Variants in ARHGAP42 observed in about 807,000 individuals in gnomAD.
ARHGAP42 encodes the protein Rho GTPase activating protein 42.
ARHGAP42 carries 63 observed loss-of-function variants against 125.0 expected under a neutral mutation model. The ratio of observed to expected loss-of-function variants is 0.50; its 90% CI spans 0.41 to 0.62. The LOEUF (loss-of-function observed/expected upper bound fraction) is 0.62. ARHGAP42 is among the 20% of genes least tolerant of loss of function. The pLI is 0.00. For synonymous variants in ARHGAP42, 339 were observed against 351.0 expected (o/e 0.97, Z 0.38); for missense variants, 766 against 1,024.2 (o/e 0.75, Z 3.44).
chr11:100,930,171 G>A (rs1390133949), intron 6 of ARHGAP42, among the ~76,000 whole-genome samples: 3 of 151,990 alleles, frequency 2.0e-5, no homozygotes, highest in Non-Finnish European at 2.9e-5. Context: ...TTTACTTTAG[G>A]GTAAACTGAA....
chr11:100,762,219 C>T (rs1422516802), intron 1 of ARHGAP42, among the ~76,000 whole-genome samples: 2 of 152,182 alleles, frequency 1.3e-5, no homozygotes, highest in African/African-American at 2.4e-5. Flanking sequence ...AATGAGACTG[C>T]CTAAAGCTAG....
At chr11:100,870,329 C>G (rs1280304778) in intron 4 of ARHGAP42, among the ~76,000 whole-genome samples, 1 of 152,182 alleles carries the variant, frequency 6.6e-6, no homozygotes. Context: ...TCCCTGTGAA[C>G]TTTGTATCTT....
chr11:100,892,044 G>C (rs546153063), intron 4 of ARHGAP42, among the ~76,000 whole-genome samples: 2 of 152,290 alleles, frequency 1.3e-5, no homozygotes, highest in African/African-American at 4.8e-5. Flanking sequence ...CATAAAATAT[G>C]AAGTTCCAAG....
At chr11:100,757,530 A>G (rs1398190110) in intron 1 of ARHGAP42, among the ~76,000 whole-genome samples, 2 of 152,228 alleles carry the variant, frequency 1.3e-5, no homozygotes, top group African/African-American at 4.8e-5. Context: ...AAGTTAAATT[A>G]GAACAGAAAA....
intron 4 of ARHGAP42, among the ~76,000 whole-genome samples, chr11:100,875,107 C>CTCTCTCTG (rs1384655603): frequency 4.1e-4 from 34 of 82,348 alleles, no homozygotes; most frequent in African/African-American, 1.4e-3. Flanking sequence ...CTCTCTCTCT[C>CTCTCTCTG]TGTGTGTGTG....
chr11:100,907,630 A>G (rs891123041), intron 4 of ARHGAP42, among the ~76,000 whole-genome samples: 1 of 152,180 alleles, frequency 6.6e-6, no homozygotes, highest in Non-Finnish European at 1.5e-5. Flanking sequence ...GAGCTTCTGG[A>G]TGCCAAGATC....
At chr11:100,825,564 A>G (rs2897755) in intron 3 of ARHGAP42, among the ~76,000 whole-genome samples, 7,753 of 152,288 alleles carry the variant, frequency 0.051, 256 homozygotes, top group East Asian at 0.18. Context: ...GGATATTGGC[A>G]TCTGGCTTGT....
At chr11:100,952,709 G>T (rs1277411033) in intron 12 of ARHGAP42, among the ~76,000 whole-genome samples, 1 of 142,934 alleles carries the variant, frequency 7.0e-6, no homozygotes, top group African/African-American at 2.6e-5. Flanking sequence ...GGACATTGTG[G>T]TATTACTAAT....
intron 1 of ARHGAP42, among the ~76,000 whole-genome samples, chr11:100,719,323 C>G (rs920572796): frequency 1.3e-5 from 2 of 152,170 alleles, no homozygotes; most frequent in Non-Finnish European, 2.9e-5. Context: ...CAGATTAAGA[C>G]TGTAACAGGA....
chr11:100,954,437 T>C (rs1857749261), intron 12 of ARHGAP42, among the ~76,000 whole-genome samples: 1 of 152,188 alleles, frequency 6.6e-6, no homozygotes, highest in Non-Finnish European at 1.5e-5. Flanking sequence ...CAGAAGATAG[T>C]CTTGAAATTT....
intron 5 of ARHGAP42, among the ~76,000 whole-genome samples, chr11:100,920,348 A>G (rs1257298415): frequency 6.6e-6 from 1 of 152,184 alleles, no homozygotes; most frequent in Non-Finnish European, 1.5e-5. Flanking sequence ...AGTTGAAAGT[A>G]CATGTATAAT....
At chr11:100,925,390 T>G (rs1275248776) in intron 6 of ARHGAP42, among the ~76,000 whole-genome samples, 1 of 152,082 alleles carries the variant, frequency 6.6e-6, no homozygotes, top group East Asian at 1.9e-4. Flanking sequence ...TTTGGATATA[T>G]TGTATTAAAA....
chr11:100,976,254 G>C lies in ARHGAP42; in HGVS notation c.2053G>C (p.Glu685Gln). The change falls in exon 20 of 24, where the codon GAA becomes CAA. Residue 685 changes from glutamate (E) to glutamine (Q), a missense_variant. Around this residue, in one of 3 missense-constraint regions of ARHGAP42, gnomAD observed 308 missense variants for 369.7 expected, o/e 0.83. Transcript: ENST00000298815. ...KSLGLWTTSP[E>Q]SSSREDATKT... is the part of the protein sequence containing the mutation. ...CCTTGGTCTGTGGACAACTAGTCCT[G>C]AATCAAGTTCCAGAGAAGATGCAAC... The C allele has an allele frequency of 1.3e-6, 2 of 1,551,626 alleles. No homozygotes were observed. Among genetic ancestry groups the C allele is most frequent in the South Asian group, 2.4e-5 (2 of 84,034 alleles).
intron 2 of ARHGAP42, among the ~76,000 whole-genome samples, chr11:100,776,537 A>G (rs1863128413): frequency 6.6e-6 from 1 of 152,244 alleles, no homozygotes; most frequent in South Asian, 2.1e-4. Flanking sequence ...GAGTGGAGAA[A>G]TGAGTCAGTC....
chr11:100,771,950 T>C (rs756357499), intron 2 of ARHGAP42, among the ~76,000 whole-genome samples: 1 of 152,142 alleles, frequency 6.6e-6, no homozygotes, highest in African/African-American at 2.4e-5. Context: ...ACATTTCTAA[T>C]AGATTTGAAA....
intron 7 of ARHGAP42, 59 bp from the exon 8 acceptor site, chr11:100,936,144 G>A: frequency 6.5e-7 from 1 of 1,534,830 alleles, no homozygotes; most frequent in Non-Finnish European, 8.8e-7. Flanking sequence ...TATTAGTCTG[G>A]ATGTTGCTGA....
intron 3 of ARHGAP42, among the ~76,000 whole-genome samples, chr11:100,858,731 A>G (rs755543434): frequency 2.6e-5 from 4 of 152,252 alleles, no homozygotes; most frequent in South Asian, 2.1e-4. Flanking sequence ...TATTCATGTA[A>G]TAGATTATGT....
chr11:100,885,951 C>G (rs1156673046), intron 4 of ARHGAP42, among the ~76,000 whole-genome samples: 1 of 152,128 alleles, frequency 6.6e-6, no homozygotes, highest in Non-Finnish European at 1.5e-5. Flanking sequence ...TGCATTGTGT[C>G]CTAAGCAATT....
At chr11:100,715,290 T>A (rs1418873538) in intron 1 of ARHGAP42, among the ~76,000 whole-genome samples, 1 of 152,086 alleles carries the variant, frequency 6.6e-6, no homozygotes, top group Non-Finnish European at 1.5e-5. Context: ...TTAGGAACTA[T>A]CCAGAACAGC....
Sources: gnomAD v4.1 joint callset for allele counts (sites outside exome capture counted in the v4.1 genomes callset) on GRCh38, gnomAD v4.1.1 for gene constraint, gnomAD v4.1.1 regional missense constraint, MANE v1.5 for transcripts, NCBI Gene and HGNC (gene_info 2026-07-23, HGNC 2026-07-21) for gene names.